The following MYL4 variants were observed in gnomAD, a reference collection of about 807,000 sequenced individuals.
MYL4 encodes the protein myosin light chain 4, also known as atrial myosin light chain 1.
A neutral mutation model predicts 21.6 loss-of-function variants in MYL4; 16 were observed. The observed-to-expected ratio is 0.74, with a 90% CI of 0.50 to 1.12. The LOEUF (loss-of-function observed/expected upper bound fraction) is 1.12. Among genes scored for constraint, MYL4 ranks in the 50% most tolerant of loss-of-function variants. The probability of loss-of-function intolerance (pLI) is 0.00; values close to 1 mark genes in which losing one functional copy is unlikely to be tolerated. For missense variants in MYL4, 249 were observed against 252.9 expected, an observed-to-expected ratio of 0.98 and a Z score of 0.11; for synonymous variants, 82 against 95.7, an observed-to-expected ratio of 0.86 and a Z score of 0.83.
intron 1 of MYL4, among the ~76,000 whole-genome samples, chr17:47,201,772 T>C (rs2064710539): frequency 6.6e-6 from 1 of 152,124 alleles, no homozygotes; most frequent in Non-Finnish European, 1.5e-5. Context: ...CTTATTTATT[T>C]TCTTTTATCT....
chr17:47,222,557 T>C, intron 5 of MYL4, 100 bp downstream of exon 5: 1 of 1,110,978 alleles, frequency 9.0e-7, no homozygotes, highest in Non-Finnish European at 1.3e-6. Context: ...GTGTCTGAGG[T>C]GGGTTTTTGT....
downstream of MYL4, among the ~76,000 whole-genome samples, chr17:47,225,534 AG>A (rs1598663012): frequency 6.6e-6 from 1 of 152,232 alleles, no homozygotes; most frequent in East Asian, 1.9e-4. Context: ...GAGCAGAGCC[AG>A]TTCACCGATT....
upstream of MYL4, among the ~76,000 whole-genome samples, chr17:47,197,247 C>T (rs8071472): frequency 0.016 from 2,463 of 151,968 alleles, 55 homozygotes; most frequent in African/African-American, 0.056. Context: ...TATAGGCGCC[C>T]GCCACCACGC....
At chr17:47,199,254 A>T (rs2064700760), upstream of MYL4, among the ~76,000 whole-genome samples, 1 of 151,534 alleles carries the variant, frequency 6.6e-6, no homozygotes, top group Non-Finnish European at 1.5e-5. Context: ...AAAAAAAAAA[A>T]ATTATACCAC....
chr17:47,189,531 C>T, the MYL4 span: 1 of 364,262 alleles, frequency 2.7e-6, no homozygotes, highest in Non-Finnish European at 5.3e-6. Context: ...TCGGCCGTCC[C>T]AGGGTTGGGC....
rs766060796 is a variant in MYL4, at chr17:47,219,945, G to A, written c.205G>A (p.Gly69Arg). 5 of 1,614,220 alleles carry A rather than the reference G, an allele frequency of 3.1e-6. No individual in the cohort carries two copies. Among genetic ancestry groups the A allele is most frequent in the African/African-American group, 2.7e-5 (2 of 75,050 alleles). The part of the protein sequence containing the change: ...AFSLFDRTPT[G>R]EMKITYGQCG... ...TTCATTGTTTGACCGGACCCCGACT[G>A]GAGAGATGAAGATCACCTACGGCCA... Residue 69 changes from glycine (G) to arginine (R), a missense_variant, in exon 3 of 7, where the codon GGA becomes AGA. Gly to Arg is a moderately radical substitution (Grantham distance 125). Coordinates refer to ENST00000393450, the MANE Select transcript of MYL4 (RefSeq NM_002476.2).
At chr17:47,202,107 T>G (rs901569218) in intron 1 of MYL4, among the ~76,000 whole-genome samples, 1 of 152,260 alleles carries the variant, frequency 6.6e-6, no homozygotes, top group East Asian at 1.9e-4. Flanking sequence ...TGCCTCAGCC[T>G]CCCGAGTAGC....
At chr17:47,221,876 T>A (rs1379546750) in intron 4 of MYL4, 21 bp downstream of exon 4, 2 of 1,604,858 alleles carry the variant, frequency 1.2e-6, no homozygotes, top group South Asian at 2.2e-5. Flanking sequence ...TGGGCAGAGA[T>A]GAAGACCAAG....
Position 47,223,014 on chromosome 17 carries a change from C to A in MYL4, c.566C>A (p.Ala189Asp), listed in dbSNP as rs758099887. The A allele has an allele frequency of 3.7e-6, 6 of 1,614,148 alleles. No individual in the cohort carries two copies. Among genetic ancestry groups the A allele is most frequent in the Non-Finnish European group, 5.1e-6 (6 of 1,180,008 alleles). The change falls in exon 6 of 7, where the codon GCC becomes GAC. Residue 189 changes from alanine to aspartate, a missense_variant and splice_region_variant. Ala to Asp is a moderately radical substitution (Grantham distance 126). Coordinates refer to ENST00000393450, the MANE Select transcript of MYL4 (RefSeq NM_002476.2). ...TGGCTGATTTTCACTTTTTTCCTAG[C>A]CTTTGTCAAGCACATCATGTCAGGG... Reference protein sequence around the residue: ...EDANGCINYEAFVKHIMSG With the variant: ...EDANGCINYEDFVKHIMSG
upstream of MYL4, among the ~76,000 whole-genome samples, chr17:47,196,481 A>G (rs2064689458): frequency 6.6e-6 from 1 of 152,222 alleles, no homozygotes; most frequent in Non-Finnish European, 1.5e-5. Flanking sequence ...CAAGTCTTAT[A>G]TTTCTGTATA....
At chr17:47,194,717 T>C in the MYL4 span, among the ~76,000 whole-genome samples, 1 of 152,054 alleles carries the variant, frequency 6.6e-6, no homozygotes, top group Non-Finnish European at 1.5e-5. Context: ...TTATTCAGCC[T>C]TATCTCACTC....
intron 2 of MYL4, among the ~76,000 whole-genome samples, chr17:47,216,504 G>A (rs2149045152): frequency 6.6e-6 from 1 of 151,894 alleles, no homozygotes; most frequent in East Asian, 1.9e-4. Flanking sequence ...ATCTACATTG[G>A]CTTTTACATG....
downstream of MYL4, among the ~76,000 whole-genome samples, chr17:47,225,362 T>C (rs1567751123): frequency 6.6e-6 from 1 of 152,200 alleles, no homozygotes; most frequent in Non-Finnish European, 1.5e-5. Flanking sequence ...AGGGGTTCAT[T>C]GAATCCAGTG....
At chr17:47,213,714 C>A (rs79067035) in intron 1 of MYL4, 85 bp from the exon 2 acceptor site, 30,236 of 1,402,108 alleles carry the variant, frequency 0.022, 439 homozygotes, top group Middle Eastern at 0.097. Context: ...GCATTGGAAG[C>A]CACTTCTGCT....
In MYL4 at chr17:47,213,955, AT is replaced by A. The variant is rs776041083; in HGVS notation, c.163+130del. 1.8e-5 allele frequency: 20 copies of A among 1,090,172 alleles called. No homozygotes were observed. The African/African-American group carries it at 3.1e-4, about 17-fold the overall frequency. The allele number at this position is 1,090,172 out of a possible 1,614,324, so 67.5% of individuals were successfully genotyped here. ...TCACTGTCATCATCATAGCAAACCT[AT>A]ATTGAGCATCTACCATGTGTCAGGC... On this transcript the variant is annotated intron_variant, in intron 2 of 6. Transcript: ENST00000393450.
chr17:47,204,995 A>G (rs76013854), upstream of MYL4, among the ~76,000 whole-genome samples: 1,775 of 152,342 alleles, frequency 0.012, 22 homozygotes, highest in Middle Eastern at 0.024. Flanking sequence ...GATCCCAGGC[A>G]GGAGACTCTA....
chr17:47,206,512 GC>G (rs1205609991), upstream of MYL4, among the ~76,000 whole-genome samples: 1 of 152,106 alleles, frequency 6.6e-6, no homozygotes, highest in Non-Finnish European at 1.5e-5. Context: ...AAAATTTTAA[GC>G]CATGGAACCA....
intron 1 of MYL4, among the ~76,000 whole-genome samples, chr17:47,203,915 C>G (rs1179067218): frequency 2.0e-5 from 3 of 152,218 alleles, no homozygotes; most frequent in Admixed American, 2.0e-4. Context: ...CCTTTGCCCT[C>G]CCATCAGGGA....
chr17:47,200,330 A>G (rs1426042908), upstream of MYL4: 1 of 152,068 alleles, frequency 6.6e-6, no homozygotes, highest in Non-Finnish European at 1.5e-5. Context: ...ACTGAGAGAT[A>G]CCCATGCTGT....
Sources: gnomAD v4.1 joint callset for allele counts (sites outside exome capture counted in the v4.1 genomes callset) on GRCh38, gnomAD v4.1.1 for gene constraint, MANE v1.5 for transcripts, NCBI Gene and HGNC (gene_info 2026-07-23, HGNC 2026-07-21) for gene names.